The following THAP4 variants were observed in gnomAD, a reference collection of about 807,000 sequenced individuals.
The protein encoded by THAP4 is THAP domain containing 4, also known as peroxynitrite isomerase THAP4.
A neutral mutation model predicts 48.1 loss-of-function variants in THAP4; 18 were observed. That is an observed-to-expected ratio of 0.37 (90% CI 0.26 to 0.56). The LOEUF is 0.56. THAP4 is among the 20% of genes least tolerant of loss of function. The pLI is 0.78. For missense variants in THAP4, 656 were observed against 774.9 expected (o/e 0.85, Z 1.82); for synonymous variants, 345 against 324.9 (o/e 1.06, Z -0.66).
chr2:241,606,157 T>C (rs2067180857), intron 3 of THAP4, among the ~76,000 whole-genome samples, 157 bp downstream of exon 3: 1 of 152,236 alleles, frequency 6.6e-6, no homozygotes, highest in African/African-American at 2.4e-5. Flanking sequence ...TGTGTCTCAG[T>C]TGCACATTCA....
intron 5 of THAP4, among the ~76,000 whole-genome samples, chr2:241,600,727 C>CAAAAAAAAA (rs35546566): frequency 1.1e-5 from 1 of 88,776 alleles, no homozygotes; most frequent in Non-Finnish European, 2.3e-5. Context: ...GACTCCGTCT[C>CAAAAAAAAA]AAAAAAAAAA....
At chr2:241,618,666 G>C (rs1289933133) in intron 2 of THAP4, among the ~76,000 whole-genome samples, 2 of 152,198 alleles carry the variant, frequency 1.3e-5, no homozygotes, top group Admixed American at 1.3e-4. Flanking sequence ...AGCTCACGTG[G>C]AGCAGAATCT....
intron 5 of THAP4, among the ~76,000 whole-genome samples, chr2:241,595,593 C>T (rs372154016): frequency 1.6e-4 from 25 of 151,524 alleles, no homozygotes; most frequent in African/African-American, 4.6e-4. Context: ...GCTGAGATGG[C>T]GCCACTGCAC....
intron 5 of THAP4, among the ~76,000 whole-genome samples, chr2:241,599,481 A>C (rs1056699149): frequency 1.3e-5 from 2 of 152,226 alleles, no homozygotes; most frequent in African/African-American, 4.8e-5. Flanking sequence ...ATTATCAATA[A>C]TCAATCTGAA....
chr2:241,596,238 G>A (rs2125071813), intron 5 of THAP4, among the ~76,000 whole-genome samples: 1 of 152,258 alleles, frequency 6.6e-6, no homozygotes, highest in South Asian at 2.1e-4. Flanking sequence ...GGGGCATAGT[G>A]GCTCACGCCT....
chr2:241,587,775 T>G (rs1191262661), intron 5 of THAP4, among the ~76,000 whole-genome samples: 2 of 151,632 alleles, frequency 1.3e-5, no homozygotes, highest in Non-Finnish European at 2.9e-5. Context: ...ATTAGCCGGG[T>G]GTGGTGGCAC....
rs955671519 is a variant in THAP4, at chr2:241,624,919, G to A, written c.1240+7998C>T. Among the ~76,000 whole-genome samples the A allele has an allele frequency of 2.0e-5, 3 of 152,300 alleles. No individual in the cohort carries two copies. In the East Asian group the frequency reaches 5.8e-4, roughly 29 times the overall value. ...GGTCGGAGCGCCATTTTGCTCAGGA[G>A]ACGACAAGGGTTTTAGGAGCTCTGG... On this transcript the variant is annotated intron_variant, in intron 2 of 5. Coordinates refer to ENST00000407315, the MANE Select transcript of THAP4 (RefSeq NM_015963.6).
chr2:241,616,201 G>A lies in THAP4; in HGVS notation c.1241-9728C>T, dbSNP rs377128119. On this transcript the variant is annotated intron_variant, in intron 2 of 5. Transcript: ENST00000407315. The surrounding 1 kb of genome is among the most constrained non-coding windows in gnomAD (Gnocchi z 4.6). ...CTTTTACGTAGGAGGGACGTGGCCC[G>A]GGCTTTCTGCCTCGACGACTAGCCC... Among the ~76,000 whole-genome samples, 198 of 152,340 alleles carry A rather than the reference G, an allele frequency of 1.3e-3. No individual in the cohort carries two copies. The highest frequency in any genetic ancestry group is 2.0e-3 in the Non-Finnish European group (134 of 68,028).
chr2:241,615,495 G>C (rs1575031402), intron 2 of THAP4, among the ~76,000 whole-genome samples: 1 of 152,218 alleles, frequency 6.6e-6, no homozygotes, highest in African/African-American at 2.4e-5. Flanking sequence ...GGGGAGTGAG[G>C]TCGGCCTCAC....
At chr2:241,611,493 C>T (rs933222280) in intron 2 of THAP4, among the ~76,000 whole-genome samples, 5 of 152,064 alleles carry the variant, frequency 3.3e-5, no homozygotes, top group Admixed American at 1.3e-4. Flanking sequence ...GAGGCCAAGG[C>T]GGGTGGATCA....
At chr2:241,619,525 G>A (rs2067384685) in intron 2 of THAP4, among the ~76,000 whole-genome samples, 1 of 152,240 alleles carries the variant, frequency 6.6e-6, no homozygotes, top group South Asian at 2.1e-4. Flanking sequence ...AGTGCCAAGG[G>A]TGTGTGTACC....
rs559628416 is a variant in THAP4, at chr2:241,590,508, C to G, written c.1615-5783G>C. Among the ~76,000 whole-genome samples the G allele has an allele frequency of 4.8e-5, 7 of 144,448 alleles. No individual in the cohort carries two copies. In the South Asian group the frequency reaches 8.8e-4, roughly 18 times the overall value. 94.8% of individuals were successfully genotyped at this position (144,448 alleles called of 152,430 possible). On this transcript the variant is annotated intron_variant, in intron 5 of 5. Coordinates refer to ENST00000407315, the MANE Select transcript of THAP4 (RefSeq NM_015963.6). ...GCTGCTCGGCTGATGATAATGGGCA[C>G]TAGGACACACAGAGCTGCTCGGCTG...
chr2:241,634,557 C>G (rs1461007928), intron 1 of THAP4, among the ~76,000 whole-genome samples: 3 of 152,338 alleles, frequency 2.0e-5, no homozygotes, highest in East Asian at 3.9e-4. Flanking sequence ...CCTGGCTGTG[C>G]GCAAGCAGCT....
At position 241,609,425 on chromosome 2, in the gene THAP4, A is replaced by C. The variant is rs147931434; in HGVS notation, c.1241-2952T>G. Among the ~76,000 whole-genome samples, 8 of 152,360 alleles carry C rather than the reference A, an allele frequency of 5.3e-5. No individual in the cohort carries two copies. The East Asian group carries it at 1.5e-3, about 29-fold the overall frequency. On this transcript the variant is annotated intron_variant, in intron 2 of 5. Coordinates refer to ENST00000407315, the MANE Select transcript of THAP4 (RefSeq NM_015963.6). Reference sequence around the variant, plus strand: ...CTAAACAAACACCATAATTTCTCAGACAGCCAGCTATAGCCTTGGAGACCT... The same window carrying C: ...CTAAACAAACACCATAATTTCTCAGCCAGCCAGCTATAGCCTTGGAGACCT...
chr2:241,613,765 CA>C (rs2067306118), intron 2 of THAP4, among the ~76,000 whole-genome samples: 1 of 151,732 alleles, frequency 6.6e-6, no homozygotes, highest in Non-Finnish European at 1.5e-5. Flanking sequence ...AGAAACAAAA[CA>C]AAAACAAAAC....
intron 5 of THAP4, among the ~76,000 whole-genome samples, chr2:241,597,978 CA>C (rs66522275): frequency 0.01 from 1,292 of 129,090 alleles, 12 homozygotes; most frequent in South Asian, 0.023. Flanking sequence ...AACATGCAAA[CA>C]AAAAAAAAAA....
intron 4 of THAP4, 117 bp downstream of exon 4, chr2:241,602,853 G>A (rs973767872): frequency 2.5e-6 from 2 of 787,800 alleles, no homozygotes; most frequent in Middle Eastern, 3.4e-4. Context: ...CCATCCCCAC[G>A]GTCCCCACCA....
chr2:241,620,064 G>T (rs1469244817), intron 2 of THAP4, among the ~76,000 whole-genome samples: 1 of 97,066 alleles, frequency 1.0e-5, no homozygotes, highest in African/African-American at 4.1e-5. Flanking sequence ...GGTGAGTGAG[G>T]GGTGAGTGAG....
At chr2:241,587,506 G>T (rs1180052311) in intron 5 of THAP4, among the ~76,000 whole-genome samples, 1 of 152,166 alleles carries the variant, frequency 6.6e-6, no homozygotes, top group African/African-American at 2.4e-5. Context: ...TTGTGGAGGG[G>T]ACTTTTATAA....
Sources: gnomAD v4.1 joint callset for allele counts (sites outside exome capture counted in the v4.1 genomes callset) on GRCh38, gnomAD v4.1.1 for gene constraint, Gnocchi (gnomAD v3.1) non-coding constraint, MANE v1.5 for transcripts, NCBI Gene and HGNC (gene_info 2026-07-23, HGNC 2026-07-21) for gene names.